Variants in DAGLA observed in about 807,000 individuals in gnomAD.
DAGLA encodes the protein diacylglycerol lipase-alpha.
A neutral mutation model predicts 102.6 loss-of-function variants in DAGLA; 22 were observed. The observed-to-expected ratio is 0.21, with a 90% CI of 0.15 to 0.31. The LOEUF (loss-of-function observed/expected upper bound fraction) is 0.31, where lower values mean the gene tolerates loss of function less well. DAGLA is among the 10% of genes least tolerant of loss of function. DAGLA has a pLI of 1.00. For missense variants in DAGLA, 927 were observed against 1,446.6 expected (o/e 0.64, Z 5.83); for synonymous variants, 578 against 628.9 (o/e 0.92, Z 1.21).
chr11:61,723,208 C>T (rs921929955), intron 4 of DAGLA, among the ~76,000 whole-genome samples: 12 of 152,160 alleles, frequency 7.9e-5, no homozygotes, highest in Non-Finnish European at 1.6e-4. Flanking sequence ...CCTTGGAAAC[C>T]CACAGAGCTG....
At chr11:61,737,816 C>T in intron 15 of DAGLA, 61 bp downstream of exon 15, 2 of 1,394,590 alleles carry the variant, frequency 1.4e-6, no homozygotes, top group Non-Finnish European at 2.0e-6. Flanking sequence ...CTCCAGGCCT[C>T]TCCCCACCCC....
intron 3 of DAGLA, among the ~76,000 whole-genome samples, chr11:61,721,164 G>A (rs543385369): frequency 2.0e-5 from 3 of 152,298 alleles, no homozygotes; most frequent in African/African-American, 7.2e-5. Flanking sequence ...GGGAGGCCGA[G>A]GCAGGTGGAT....
intron 1 of DAGLA, among the ~76,000 whole-genome samples, chr11:61,693,674 G>A (rs946991808): frequency 7.2e-5 from 11 of 152,306 alleles, no homozygotes; most frequent in African/African-American, 2.6e-4. Flanking sequence ...TTATGCATAA[G>A]TCAGCGTGTC....
chr11:61,721,635 C>G (rs2065283797), intron 3 of DAGLA, among the ~76,000 whole-genome samples: 1 of 152,178 alleles, frequency 6.6e-6, no homozygotes, highest in South Asian at 2.1e-4. Context: ...CTTCTGCTTC[C>G]TGGGAACCCC....
chr11:61,709,981 G>A (rs2065180574), intron 1 of DAGLA, among the ~76,000 whole-genome samples: 1 of 152,198 alleles, frequency 6.6e-6, no homozygotes, highest in South Asian at 2.1e-4. Context: ...CACAGCCTGA[G>A]GAGAGGAGGC....
chr11:61,709,562 G>A (rs1422951114), intron 1 of DAGLA, among the ~76,000 whole-genome samples: 1 of 152,150 alleles, frequency 6.6e-6, no homozygotes, highest in Non-Finnish European at 1.5e-5. Context: ...CTCATCTGGG[G>A]TCCCTGAGGG....
At chr11:61,693,358 T>C (rs2065039553) in intron 1 of DAGLA, among the ~76,000 whole-genome samples, 1 of 151,780 alleles carries the variant, frequency 6.6e-6, no homozygotes, top group African/African-American at 2.4e-5. Context: ...TTCTTTCTTT[T>C]TTTTTTTTGA....
rs1308199507 is a variant in DAGLA at position 61,708,205 on chromosome 11, G to A, written c.-44-11907G>A. ...GTATTTTTAGTAGAGATGGAGTTTCGCCATGTTGGCCAGGCTGGTCTCGAT... is the reference window on the plus strand; with the variant it reads ...GTATTTTTAGTAGAGATGGAGTTTCACCATGTTGGCCAGGCTGGTCTCGAT... On this transcript the variant is annotated intron_variant, in intron 1 of 19. Transcript: ENST00000257215. 5.9e-5 allele frequency among the ~76,000 whole-genome samples: 9 copies of A among 151,908 alleles called. 1 individual carries two copies. In the South Asian group the frequency reaches 1.2e-3, roughly 21 times the overall value.
At chr11:61,723,317 T>G in intron 4 of DAGLA, 117 bp from the exon 5 acceptor site, 8 of 1,418,160 alleles carry the variant, frequency 5.6e-6, no homozygotes, top group Non-Finnish European at 7.7e-6. Context: ...GGAGCCTGGC[T>G]TTTGTCCCCA....
At chr11:61,715,006 G>A (rs1170049395) in intron 1 of DAGLA, among the ~76,000 whole-genome samples, 2 of 152,176 alleles carry the variant, frequency 1.3e-5, no homozygotes, top group Non-Finnish European at 1.5e-5. Context: ...CTGATAATTC[G>A]GAGGTAGGTA....
intron 1 of DAGLA, among the ~76,000 whole-genome samples, chr11:61,713,987 G>A (rs1382464113): frequency 6.6e-6 from 1 of 152,200 alleles, no homozygotes; most frequent in Non-Finnish European, 1.5e-5. Flanking sequence ...GGAGTCCTGG[G>A]CTCTCCCTTC....
chr11:61,728,313 G>A (rs776049404), intron 7 of DAGLA, 26 bp downstream of exon 7: 4 of 1,603,996 alleles, frequency 2.5e-6, no homozygotes, highest in Non-Finnish European at 3.4e-6. Context: ...CCCTTCTCCA[G>A]GTCACCTCTC....
chr11:61,708,288 G>A (rs1340283327), intron 1 of DAGLA, among the ~76,000 whole-genome samples: 2 of 152,144 alleles, frequency 1.3e-5, no homozygotes, highest in African/African-American at 2.4e-5. Flanking sequence ...GATTACAGGC[G>A]TGAGCCACCG....
chr11:61,712,301 A>G (rs1009624334), intron 1 of DAGLA, among the ~76,000 whole-genome samples: 1 of 152,156 alleles, frequency 6.6e-6, no homozygotes, highest in Non-Finnish European at 1.5e-5. Context: ...GAACAGCTAG[A>G]CCCACCCCTG....
At position 61,726,403 on chromosome 11, in the gene DAGLA, T is replaced by A. The variant is rs115275115; in HGVS notation, c.636+321T>A. ...GACCTGAAGACAAAGAAAAGTAGCG[T>A]TTCACCAGCAGCAAATTAATCAAGA... On this transcript the variant is annotated intron_variant, in intron 6 of 19. Coordinates refer to ENST00000257215, the MANE Select transcript of DAGLA (RefSeq NM_006133.3). 7.8e-4 allele frequency among the ~76,000 whole-genome samples: 119 copies of A among 152,264 alleles called. 2 individuals are homozygous for A. The highest frequency in any genetic ancestry group is 2.8e-3 in the African/African-American group (118 of 41,540).
chr11:61,695,475 C>T (rs2065057723), intron 1 of DAGLA, among the ~76,000 whole-genome samples: 1 of 152,224 alleles, frequency 6.6e-6, no homozygotes, highest in Non-Finnish European at 1.5e-5. Flanking sequence ...CTCCCACTTC[C>T]CAGCGGGGAG....
At position 61,740,785 on chromosome 11, in the gene DAGLA, G is replaced by C. The variant is rs530156198; in HGVS notation, c.1983+193G>C. 1.1e-3 allele frequency among the ~76,000 whole-genome samples: 165 copies of C among 152,252 alleles called. 1 individual carries two copies. Among genetic ancestry groups the C allele is most frequent in the Middle Eastern group, 3.4e-3 (1 of 294 alleles). On this transcript the variant is annotated intron_variant, in intron 18 of 19. Transcript: ENST00000257215. ...CCCCTGGCTCTGTCCACATCACCAC[G>C]TTGCCCCATGGTGGGGAGGAGATAA... is the stretch of plus-strand genomic sequence containing the variant.
rs772407641 is a variant in DAGLA at position 61,720,856 on chromosome 11, T to C, written c.273T>C (p.Arg91=). The change falls in exon 3 of 20, where the codon CGT becomes CGC. Residue 91 remains arginine, a synonymous_variant. Coordinates refer to ENST00000257215, the MANE Select transcript of DAGLA (RefSeq NM_006133.3). ...GGGGCATCCTCTACACGGAGCCCCG[T>C]GACTCCATGCAGTACGTGCTCTACG... ...MRGGILYTEP[R]DSMQYVLYVR... 1 of 1,613,492 alleles carries C rather than the reference T, an allele frequency of 6.2e-7. No individual in the cohort carries two copies. Among genetic ancestry groups the C allele is most frequent in the Non-Finnish European group, 8.5e-7 (1 of 1,180,044 alleles).
At chr11:61,729,487 TACAGCCCAGGGCCCA>T (rs1565260386) in intron 8 of DAGLA, among the ~76,000 whole-genome samples, 2 of 151,788 alleles carry the variant, frequency 1.3e-5, no homozygotes, top group Non-Finnish European at 2.9e-5. Context: ...CAGGGCCCAG[TACAGCCCAGGGCCCA>T]GTACAGCCCA....
Sources: allele counts gnomAD v4.1 joint callset (sites outside exome capture counted in the v4.1 genomes callset), GRCh38; gene constraint gnomAD v4.1.1; transcripts MANE v1.5; gene names NCBI Gene and HGNC (gene_info 2026-07-23, HGNC 2026-07-21).